EFCAB11: variants seen among roughly 807,000 people sequenced by gnomAD.
The protein encoded by EFCAB11 is EF-hand calcium binding domain 11, also known as EF-hand calcium-binding domain-containing protein 11.
A neutral mutation model predicts 23.0 loss-of-function variants in EFCAB11; 14 were observed. The observed-to-expected ratio is 0.61, with a 90% CI of 0.40 to 0.95. The LOEUF (loss-of-function observed/expected upper bound fraction) is 0.95, where lower values mean the gene tolerates loss of function less well. EFCAB11 is among the 40% of genes least tolerant of loss of function. The pLI is 0.00. For missense variants in EFCAB11, 198 were observed against 195.8 expected (o/e 1.01, Z -0.07); for synonymous variants, 65 against 66.6 (o/e 0.98, Z 0.11).
chr14:89,834,391 A>AC (rs1335602489), intron 5 of EFCAB11, among the ~76,000 whole-genome samples: 27 of 149,876 alleles, frequency 1.8e-4, no homozygotes, highest in Middle Eastern at 3.4e-3. Context: ...AAAAAAAAAA[A>AC]AAAAAAAAAA....
intron 5 of EFCAB11, among the ~76,000 whole-genome samples, chr14:89,910,578 C>A (rs7141637): frequency 0.13 from 19,193 of 151,858 alleles, 1,416 homozygotes; most frequent in South Asian, 0.24. Context: ...GCCTGGGCAA[C>A]AGAATGAGAA....
At chr14:89,871,204 T>C (rs1340243311) in intron 5 of EFCAB11, among the ~76,000 whole-genome samples, 1 of 152,188 alleles carries the variant, frequency 6.6e-6, no homozygotes, top group Non-Finnish European at 1.5e-5. Flanking sequence ...TGGACTGAGA[T>C]GGCTCAGCTC....
In EFCAB11 at chr14:89,936,230, T is replaced by C. The variant is rs758728058; in HGVS notation, c.218-3603A>G. Among the ~76,000 whole-genome samples the C allele has an allele frequency of 7.2e-5, 11 of 151,784 alleles. No homozygotes were observed. The South Asian group carries it at 1.2e-3, about 17-fold the overall frequency. ...CATTGCATTTGACTTAGAGAAGTGA[T>C]AAAGGGAAAAAAGCACAATTCCTGG... On this transcript the variant is annotated intron_variant, in intron 3 of 5. Coordinates refer to ENST00000316738, the MANE Select transcript of EFCAB11 (RefSeq NM_145231.4).
chr14:89,815,762 A>T (rs572041192), intron 5 of EFCAB11, among the ~76,000 whole-genome samples: 137 of 152,240 alleles, frequency 9.0e-4, no homozygotes, highest in African/African-American at 3.1e-3. Context: ...ATTGCTGTAA[A>T]TTTGAGTTTT....
chr14:89,853,072 T>C (rs528254234), intron 5 of EFCAB11, among the ~76,000 whole-genome samples: 5 of 152,378 alleles, frequency 3.3e-5, no homozygotes, highest in African/African-American at 9.6e-5. Context: ...TGTCTTTTTA[T>C]ACTTTTACAT....
chr14:89,837,787 C>G (rs1887132856), intron 5 of EFCAB11, among the ~76,000 whole-genome samples: 1 of 151,932 alleles, frequency 6.6e-6, no homozygotes, highest in African/African-American at 2.4e-5. Context: ...GTTTCTACAT[C>G]TGCAAAGGGA....
At chr14:89,934,248 G>A (rs888117290) in intron 3 of EFCAB11, among the ~76,000 whole-genome samples, 1 of 152,234 alleles carries the variant, frequency 6.6e-6, no homozygotes, top group African/African-American at 2.4e-5. Context: ...AGAGAGACCA[G>A]TTAGGAGCCT....
chr14:89,934,508 C>T (rs909524431), intron 3 of EFCAB11, among the ~76,000 whole-genome samples: 1 of 152,112 alleles, frequency 6.6e-6, no homozygotes, highest in Non-Finnish European at 1.5e-5. Context: ...GTGAAGTGTT[C>T]AGTGCTCTGG....
At position 89,849,766 on chromosome 14, in the gene EFCAB11, C is replaced by T. The variant is rs56806633; in HGVS notation, c.411-52442G>A. ...GGAAAACAGGTCATATTTAAGAACA[C>T]GTAAGTCATCATATGGTGCACAAAA... On this transcript the variant is annotated intron_variant, in intron 5 of 5. Transcript: ENST00000316738. Among the ~76,000 whole-genome samples the T allele has an allele frequency of 3.5e-3, 532 of 152,024 alleles. 4 individuals carry two copies. The highest frequency in any genetic ancestry group is 0.012 in the African/African-American group (493 of 41,458).
rs578067386 is a variant in EFCAB11, at chr14:89,800,130, G to A, written c.411-2806C>T. On this transcript the variant is annotated intron_variant, in intron 5 of 5. Transcript: ENST00000316738. ...GAACCCGGGAGGCAGAGGTTGCAGT[G>A]AGCCAAGATCGGGCCACTGCACTCC... Among the ~76,000 whole-genome samples the A allele has an allele frequency of 3.9e-5, 6 of 152,272 alleles. No homozygotes were observed. The South Asian group carries it at 1.2e-3, about 32-fold the overall frequency.
chr14:89,952,866 T>C (rs1204345892), intron 2 of EFCAB11, among the ~76,000 whole-genome samples: 1 of 152,174 alleles, frequency 6.6e-6, no homozygotes, highest in Non-Finnish European at 1.5e-5. Flanking sequence ...CTTTGCTTGA[T>C]GGTGGCAGCT....
rs755106975 is a variant in EFCAB11, at chr14:89,795,318, G to A, written c.*1925C>T. ...ATTTTTTATTCCGTGATCTCATCCA[G>A]GATACCAAATGACATTTAGTTGTCA... On this transcript the variant is annotated 3_prime_UTR_variant, in exon 6 of 6. Transcript: ENST00000316738. The A allele has an allele frequency of 6.6e-6, 1 of 151,112 alleles. No homozygotes were observed. Among genetic ancestry groups the A allele is most frequent in the Non-Finnish European group, 1.5e-5 (1 of 67,702 alleles). 9.4% of individuals were successfully genotyped at this position (151,112 alleles called of 1,614,324 possible). A position where few individuals can be genotyped will look rare whatever the true frequency, so the allele number is the denominator to read the frequency against.
chr14:89,887,497 T>C (rs1283665646), intron 5 of EFCAB11, among the ~76,000 whole-genome samples: 4 of 152,210 alleles, frequency 2.6e-5, no homozygotes, highest in African/African-American at 9.7e-5. Context: ...TTGTTTTCTA[T>C]CCATAAACAT....
intron 5 of EFCAB11, among the ~76,000 whole-genome samples, chr14:89,804,202 G>A (rs1885888339): frequency 6.6e-6 from 1 of 152,218 alleles, no homozygotes; most frequent in Non-Finnish European, 1.5e-5. Flanking sequence ...GAAAAGGAGT[G>A]TTAAGGCCTT....
intron 5 of EFCAB11, chr14:89,836,526 G>T: frequency 2.2e-6 from 1 of 456,544 alleles, no homozygotes; most frequent in Non-Finnish European, 4.4e-6. Context: ...AGTGTGTAAG[G>T]CTCTTCACCA....
intron 5 of EFCAB11, among the ~76,000 whole-genome samples, chr14:89,879,122 AT>A (rs924226962): frequency 2.0e-5 from 3 of 149,884 alleles, no homozygotes; most frequent in Admixed American, 6.7e-5. Context: ...TATTTAGCCC[AT>A]TTTTTTTTCT....
At chr14:89,925,648 C>CTTTCT (rs749910856) in intron 5 of EFCAB11, among the ~76,000 whole-genome samples, 4 of 134,708 alleles carry the variant, frequency 3.0e-5, no homozygotes, top group Admixed American at 7.7e-5. Flanking sequence ...ATGTTTCTTT[C>CTTTCT]TTTTTTTTTT....
intron 5 of EFCAB11, among the ~76,000 whole-genome samples, chr14:89,906,986 A>G (rs1889520189): frequency 6.6e-6 from 1 of 152,192 alleles, no homozygotes; most frequent in Admixed American, 6.5e-5. Flanking sequence ...AGTAAACAAA[A>G]GGTTTAGAAA....
chr14:89,903,966 C>CAAAA (rs949794504), intron 5 of EFCAB11, among the ~76,000 whole-genome samples: 1 of 151,742 alleles, frequency 6.6e-6, no homozygotes, highest in African/African-American at 2.4e-5. Context: ...AACCCTAACA[C>CAAAA]AAACATATCT....
Sources: allele counts gnomAD v4.1 joint callset (sites outside exome capture counted in the v4.1 genomes callset), GRCh38; gene constraint gnomAD v4.1.1; transcripts MANE v1.5; gene names NCBI Gene and HGNC (gene_info 2026-07-23, HGNC 2026-07-21).